The following NDC80 variants were observed in gnomAD, a reference collection of about 807,000 sequenced individuals.
NDC80 encodes the protein NDC80 kinetochore complex component, also known as kinetochore protein NDC80 homolog.
NDC80 carries 69 observed loss-of-function variants against 89.3 expected under a neutral mutation model. The observed-to-expected ratio is 0.77, with a 90% CI of 0.64 to 0.94. The LOEUF is 0.94. Ranked by LOEUF, NDC80 falls within the 40% of genes least tolerant of loss-of-function variation. The pLI is 0.00. For synonymous variants in NDC80, 243 were observed against 255.6 expected (o/e 0.95, Z 0.47); for missense variants, 593 against 739.6 (o/e 0.80, Z 2.30).
At chr18:2,597,170 T>C (rs2072661315) in intron 11 of NDC80, among the ~76,000 whole-genome samples, 1 of 151,512 alleles carries the variant, frequency 6.6e-6, no homozygotes, top group African/African-American at 2.4e-5. Flanking sequence ...AAACTTAAAG[T>C]ATAATAATAA....
At chr18:2,582,054 TTTTGTTTGTTTGTTTGTTTG>T (rs141481220) in intron 6 of NDC80, 3 of 150,798 alleles carry the variant, frequency 2.0e-5, no homozygotes, top group Non-Finnish European at 2.9e-5. Context: ...TATGGTGGTT[TTTTGTTTGTTTGTTTGTTTG>T]TTTGTTTGTT....
At chr18:2,612,101 T>C (rs2072747753) in intron 16 of NDC80, among the ~76,000 whole-genome samples, 1 of 152,008 alleles carries the variant, frequency 6.6e-6, no homozygotes, top group South Asian at 2.1e-4. Context: ...AATTCTATTC[T>C]AGATGCATAA....
At chr18:2,591,023 G>GC (rs144497047) in intron 10 of NDC80, among the ~76,000 whole-genome samples, 9,555 of 152,042 alleles carry the variant, frequency 0.063, 506 homozygotes, top group African/African-American at 0.14. Context: ...TAATAGGTGG[G>GC]CTCCACCATG....
intron 15 of NDC80, among the ~76,000 whole-genome samples, chr18:2,609,060 G>A (rs115400255): frequency 1.2e-3 from 175 of 151,844 alleles, no homozygotes; most frequent in African/African-American, 4.1e-3. Context: ...ATCATTAATC[G>A]TTAGATCTAG....
At chr18:2,575,162 C>T (rs1027959996) in intron 3 of NDC80, 96 bp downstream of exon 3, 8 of 879,534 alleles carry the variant, frequency 9.1e-6, no homozygotes, top group Non-Finnish European at 1.2e-5. Flanking sequence ...TGGTTCCTTT[C>T]GAGAGAAAAG....
chr18:2,608,518 A>G (rs1421099090), intron 14 of NDC80, among the ~76,000 whole-genome samples, 182 bp from the exon 15 acceptor site: 1 of 152,150 alleles, frequency 6.6e-6, no homozygotes, highest in Non-Finnish European at 1.5e-5. Context: ...ATTTGTTTTT[A>G]TAATACAGGA....
chr18:2,581,157 A>T (rs2072576165), intron 6 of NDC80, among the ~76,000 whole-genome samples: 2 of 152,146 alleles, frequency 1.3e-5, no homozygotes, highest in Admixed American at 6.5e-5. Context: ...CTTACTTAAC[A>T]TAAGCCTAGA....
chr18:2,603,356 C>CATATAT lies in NDC80; in HGVS notation c.1464+1889_1464+1894dup, dbSNP rs60997707. ...AACAACAGAAGAGAATATGTTTATA[C>CATATAT]ATATATATATATATATATATATACA... On this transcript the variant is annotated intron_variant, in intron 13 of 16. Coordinates refer to ENST00000261597, the MANE Select transcript of NDC80 (RefSeq NM_006101.3). Among the ~76,000 whole-genome samples the CATATAT allele has an allele frequency of 4.5e-3, 549 of 120,786 alleles. 22 individuals are homozygous for CATATAT. The highest frequency in any genetic ancestry group is 0.013 in the African/African-American group (391 of 30,660). 79.2% of individuals were successfully genotyped at this position (120,786 alleles called of 152,430 possible).
chr18:2,586,584 G>A (rs1396072951), intron 7 of NDC80, among the ~76,000 whole-genome samples: 3 of 152,072 alleles, frequency 2.0e-5, no homozygotes, highest in African/African-American at 7.2e-5. Context: ...ACAAAAATTA[G>A]CTGGGTGTGG....
intron 6 of NDC80, among the ~76,000 whole-genome samples, chr18:2,581,111 G>T (rs898191848): frequency 6.6e-6 from 1 of 152,050 alleles, no homozygotes; most frequent in Non-Finnish European, 1.5e-5. Flanking sequence ...GTATTAATCC[G>T]TGAGAGACTG....
chr18:2,602,984 A>G (rs2072691723), intron 13 of NDC80, among the ~76,000 whole-genome samples: 1 of 152,188 alleles, frequency 6.6e-6, no homozygotes, highest in Non-Finnish European at 1.5e-5. Context: ...AAGTATCAAC[A>G]TGACTTCCAT....
Position 2,606,515 on chromosome 18 carries a change from C to T in NDC80, c.1557+8C>T, listed in dbSNP as rs760543474. ...TACCAACAAAAAATTAAGGTAAGAACTTTGCCACAGTTTGCGTAGGTTATC... is the reference window on the plus strand; with the variant it reads ...TACCAACAAAAAATTAAGGTAAGAATTTTGCCACAGTTTGCGTAGGTTATC... On this transcript the variant is annotated splice_region_variant and intron_variant, in intron 14 of 16. Transcript: ENST00000261597. The T allele has an allele frequency of 6.3e-7, 1 of 1,579,862 alleles. No homozygotes were observed. Among genetic ancestry groups the T allele is most frequent in the Non-Finnish European group, 8.6e-7 (1 of 1,159,174 alleles).
intron 3 of NDC80, among the ~76,000 whole-genome samples, chr18:2,575,703 T>C (rs1403590613): frequency 6.6e-6 from 1 of 152,100 alleles, no homozygotes; most frequent in African/African-American, 2.4e-5. Flanking sequence ...GGCGGGCAGA[T>C]CACTTGAGTC....
intron 13 of NDC80, among the ~76,000 whole-genome samples, chr18:2,603,651 T>C (rs1394569843): frequency 6.6e-6 from 1 of 151,624 alleles, no homozygotes; most frequent in East Asian, 1.9e-4. Context: ...TGAGAAATAG[T>C]TTATAGAGAT....
At chr18:2,587,770 A>G in intron 7 of NDC80, 60 bp from the exon 8 acceptor site, 1 of 1,336,968 alleles carries the variant, frequency 7.5e-7, no homozygotes, top group East Asian at 2.3e-5. Flanking sequence ...CACCTAGAAA[A>G]GTGAAACAGA....
chr18:2,585,757 A>G (rs563538418), intron 7 of NDC80, among the ~76,000 whole-genome samples: 2 of 152,326 alleles, frequency 1.3e-5, no homozygotes, highest in South Asian at 2.1e-4. Flanking sequence ...TGAAAATTTT[A>G]ACTAAGTAAA....
chr18:2,573,001 G>A lies in NDC80; in HGVS notation c.16G>A (p.Val6Ile), dbSNP rs1250149987. The A allele has an allele frequency of 6.2e-7, 1 of 1,613,830 alleles. No individual in the cohort carries two copies. The highest frequency in any genetic ancestry group is 8.5e-7 in the Non-Finnish European group (1 of 1,179,954). The change falls in exon 2 of 17, where the codon GTT becomes ATT. Residue 6 changes from valine (V) to isoleucine (I), a missense_variant. By Grantham distance (29) the Val-to-Ile change is conservative. Coordinates refer to ENST00000261597, the MANE Select transcript of NDC80 (RefSeq NM_006101.3). ...GGTCATAAGCATGAAGCGCAGTTCA[G>A]TTTCCAGCGGTGGTGCTGGCCGCCT... The part of the protein sequence containing the change: MKRSS[V>I]SSGGAGRLSM...
chr18:2,615,893 T>C (rs192831242), intron 16 of NDC80, among the ~76,000 whole-genome samples: 40 of 152,232 alleles, frequency 2.6e-4, no homozygotes, highest in African/African-American at 9.2e-4. Flanking sequence ...TAGACATGTG[T>C]GTGTAATAAA....
intron 6 of NDC80, among the ~76,000 whole-genome samples, chr18:2,584,728 C>A (rs1486843883): frequency 6.6e-6 from 1 of 152,082 alleles, no homozygotes; most frequent in African/African-American, 2.4e-5. Context: ...ATTGGCTCAC[C>A]TTTTATGTGG....
Sources: allele counts gnomAD v4.1 joint callset (sites outside exome capture counted in the v4.1 genomes callset), GRCh38; gene constraint gnomAD v4.1.1; transcripts MANE v1.5; gene names NCBI Gene and HGNC (gene_info 2026-07-23, HGNC 2026-07-21).